CDCA7: variants seen among roughly 807,000 people sequenced by gnomAD.
CDCA7 encodes cell division cycle associated 7, also known as cell division cycle-associated protein 7.
Under a neutral mutation model 54.0 loss-of-function variants are expected in CDCA7, and 28 were observed. The observed-to-expected ratio is 0.52, with a 90% CI of 0.38 to 0.71. CDCA7 has a LOEUF of 0.71. CDCA7 is among the 30% of genes least tolerant of loss of function. The pLI is 0.00. For synonymous variants in CDCA7, 180 were observed against 208.2 expected (o/e 0.86, Z 1.16); for missense variants, 484 against 586.0 (o/e 0.83, Z 1.80).
chr2:173,365,095 A>G (rs1686695828), intron 6 of CDCA7, 106 bp downstream of exon 6: 1 of 1,407,584 alleles, frequency 7.1e-7, no homozygotes, highest in Non-Finnish European at 9.2e-7. Context: ...GGCGATCCAT[A>G]GTAAATGTTT....
chr2:173,364,854 A>G lies in CDCA7; in HGVS notation c.759A>G (p.Glu253=). ...FPGVASRRNP[E]RRARPLTRSR... ...GTGTTGCTTCCAGGAGAAACCCTGAACGGAGAGCTCGTCCTCTTACCAGGT... is the reference window on the plus strand; with the variant it reads ...GTGTTGCTTCCAGGAGAAACCCTGAGCGGAGAGCTCGTCCTCTTACCAGGT... Residue 253 remains glutamate (E), a synonymous_variant, in exon 6 of 10, where the codon GAA becomes GAG. Coordinates refer to ENST00000306721, the MANE Select transcript of CDCA7 (RefSeq NM_031942.5). 1 of 1,611,642 alleles carries G rather than the reference A, an allele frequency of 6.2e-7. No individual in the cohort carries two copies. Among genetic ancestry groups the G allele is most frequent in the African/African-American group, 1.3e-5 (1 of 74,836 alleles).
chr2:173,358,658 T>G (rs1013130291), intron 1 of CDCA7, 54 bp from the exon 2 acceptor site: 25 of 1,578,152 alleles, frequency 1.6e-5, no homozygotes, highest in Middle Eastern at 1.7e-4. Flanking sequence ...AATGATGTCT[T>G]TAGTTAAATA....
chr2:173,367,999 T>C lies in CDCA7; in HGVS notation c.*335T>C. On this transcript the variant is annotated 3_prime_UTR_variant, in exon 10 of 10. Transcript: ENST00000306721. Reference sequence around the variant, plus strand: ...ATATTTTATTTACTTGGTGTTGAAATAGCCCTCATAAAACCTAAGCACTTG... The same window carrying C: ...ATATTTTATTTACTTGGTGTTGAAACAGCCCTCATAAAACCTAAGCACTTG... The C allele has an allele frequency of 2.9e-6, 1 of 341,632 alleles. No individual in the cohort carries two copies. The highest frequency in any genetic ancestry group is 5.4e-6 in the Non-Finnish European group (1 of 185,908). The allele number at this position is 341,632 out of a possible 1,614,324, so 21.2% of individuals were successfully genotyped here.
chr2:173,367,910 T>C lies in CDCA7; in HGVS notation c.*246T>C, dbSNP rs774355971. 10 of 555,030 alleles carry C rather than the reference T, an allele frequency of 1.8e-5. No individual in the cohort carries two copies. Among genetic ancestry groups the C allele is most frequent in the Non-Finnish European group, 3.2e-5 (10 of 313,556 alleles). The allele number at this position is 555,030 out of a possible 1,614,324, so 34.4% of individuals were successfully genotyped here. A position where few individuals can be genotyped will look rare whatever the true frequency, so the allele number is the denominator to read the frequency against. On this transcript the variant is annotated 3_prime_UTR_variant, in exon 10 of 10. Transcript: ENST00000306721. ...CCCATCTCACAGCATCCCCCTCTAT[T>C]TCCAATGCTCCTCTCCAACCGCTTA... is the stretch of plus-strand genomic sequence containing the variant.
Position 173,367,245 on chromosome 2 carries a change from C to A in CDCA7, c.1281C>A (p.Ala427=). ...CGACTGGGGTCCTTGTGTATTTAGC[C>A]AAATATCATGGCTTTGGGAATGTGC... The part of the protein sequence containing the change: ...RCATGVLVYL[A]KYHGFGNVHA... The change falls in exon 9 of 10, where the codon GCC becomes GCA. Residue 427 remains alanine (A), a synonymous_variant. Transcript: ENST00000306721. 6.2e-7 allele frequency: 1 copy of A among 1,613,820 alleles called. No individual in the cohort carries two copies. Among genetic ancestry groups the A allele is most frequent in the Non-Finnish European group, 8.5e-7 (1 of 1,179,924 alleles).
intron 1 of CDCA7, 122 bp downstream of exon 1, chr2:173,355,106 G>A: frequency 8.9e-7 from 1 of 1,125,422 alleles, no homozygotes; most frequent in Non-Finnish European, 1.1e-6. Context: ...CTGCCTAGGC[G>A]TTGCCCGCTT....
intron 3 of CDCA7, among the ~76,000 whole-genome samples, chr2:173,361,964 G>A (rs1346352800): frequency 1.3e-5 from 2 of 152,054 alleles, no homozygotes; most frequent in African/African-American, 2.4e-5. Context: ...TTACAGGCGT[G>A]TGCCACTGTG....
At chr2:173,360,538 G>A (rs13390471) in intron 3 of CDCA7, among the ~76,000 whole-genome samples, 5,262 of 152,244 alleles carry the variant, frequency 0.035, 308 homozygotes, top group African/African-American at 0.12. Flanking sequence ...GAGTGCACTG[G>A]TGTGATCATG....
chr2:173,366,579 G>T lies in CDCA7; in HGVS notation c.1185+147G>T. On this transcript the variant is annotated intron_variant, in intron 8 of 9. Transcript: ENST00000306721. The surrounding 1 kb of genome is among the most constrained non-coding windows in gnomAD (Gnocchi z 4.5). ...TTTTAAGATGGAGTCTCATTCTGTC[G>T]CCAGGCTGCAGTGCAGTGGCGCGAT... The T allele has an allele frequency of 8.9e-7, 1 of 1,123,412 alleles. No individual in the cohort carries two copies. The highest frequency in any genetic ancestry group is 1.2e-6 in the Non-Finnish European group (1 of 812,244). 69.6% of individuals were successfully genotyped at this position (1,123,412 alleles called of 1,614,324 possible). A position where few individuals can be genotyped will look rare whatever the true frequency, so the allele number is the denominator to read the frequency against.
rs1346397278 is a variant in CDCA7, at chr2:173,364,879, T to G, written c.784T>G (p.Ser262Ala). Residue 262 changes from serine to alanine, a missense_variant, in exon 6 of 10, where the codon TCA becomes GCA. Around this residue, in one of 3 missense-constraint regions of CDCA7, gnomAD observed 398 missense variants for 447.4 expected, o/e 0.89. Coordinates refer to ENST00000306721, the MANE Select transcript of CDCA7 (RefSeq NM_031942.5). ...ACGGAGAGCTCGTCCTCTTACCAGG[T>G]CAAGGTCCCGGATCCTCGGGTCCCT... Reference protein sequence around the residue: ...PERRARPLTRSRSRILGSLDA... With the variant: ...PERRARPLTRARSRILGSLDA... The G allele has an allele frequency of 3.7e-6, 6 of 1,610,712 alleles. No homozygotes were observed. Among genetic ancestry groups the G allele is most frequent in the Non-Finnish European group, 5.1e-6 (6 of 1,178,820 alleles).
chr2:173,356,900 G>A (rs1056523043), intron 1 of CDCA7, among the ~76,000 whole-genome samples: 1 of 152,180 alleles, frequency 6.6e-6, no homozygotes, highest in Non-Finnish European at 1.5e-5. Flanking sequence ...ATGATTGAAC[G>A]GAGTTTACTT....
chr2:173,354,979 G>A lies in CDCA7; in HGVS notation c.16G>A (p.Val6Met), dbSNP rs775999064. 6 of 1,441,750 alleles carry A rather than the reference G, an allele frequency of 4.2e-6. 1 individual carries two copies. In the South Asian group the frequency reaches 8.5e-5, roughly 20 times the overall value. The allele number at this position is 1,441,750 out of a possible 1,614,324, so 89.3% of individuals were successfully genotyped here. Residue 6 changes from valine to methionine, a missense_variant, in exon 1 of 10, where the codon GTG becomes ATG. Transcript: ENST00000306721. MDARRVPQKDLRVKKN... is the reference protein window; with the variant it reads MDARRMPQKDLRVKKN... ...CGCCACCAGCATGGACGCTCGCCGC[G>A]TGCCGGTGAGGGCTGGGCGGGCGAA... is the stretch of plus-strand genomic sequence containing the variant.
In CDCA7 at chr2:173,354,938, C is replaced by A; in HGVS notation, c.-26C>A. The A allele has an allele frequency of 6.8e-7, 1 of 1,477,742 alleles. No individual in the cohort carries two copies. The highest frequency in any genetic ancestry group is 8.9e-7 in the Non-Finnish European group (1 of 1,122,090). The allele number at this position is 1,477,742 out of a possible 1,614,324, so 91.5% of individuals were successfully genotyped here. ...GCTGCTCCGCTCTCCCCGCTCCAAG[C>A]GCCGATCTGGGCACCCGCCACCAGC... On this transcript the variant is annotated 5_prime_UTR_variant, in exon 1 of 10. Coordinates refer to ENST00000306721, the MANE Select transcript of CDCA7 (RefSeq NM_031942.5).
chr2:173,366,251 T>G lies in CDCA7; in HGVS notation c.1036-32T>G. 6.8e-7 allele frequency: 1 copy of G among 1,476,690 alleles called. No homozygotes were observed. Among genetic ancestry groups the G allele is most frequent in the South Asian group, 1.2e-5 (1 of 83,148 alleles). The allele number at this position is 1,476,690 out of a possible 1,614,324, so 91.5% of individuals were successfully genotyped here. A position where few individuals can be genotyped will look rare whatever the true frequency, so the allele number is the denominator to read the frequency against. ...TCCTCTGTTGAAAAACAGTGGTTTT[T>G]TTTGTTTTTTTTCTTAATGGCTTAT... On this transcript the variant is annotated intron_variant, in intron 7 of 9. Transcript: ENST00000306721. This position sits in a 1 kb window ranked among gnomAD's most constrained non-coding sequence, Gnocchi z 4.5.
At chr2:173,355,044 C>T (rs1377464880) in intron 1 of CDCA7, 60 bp downstream of exon 1, 10 of 1,292,352 alleles carry the variant, frequency 7.7e-6, no homozygotes, top group African/African-American at 3.1e-5. Flanking sequence ...CGCAGGCGGG[C>T]GCGGGCCGAC....
intron 1 of CDCA7, 110 bp from the exon 2 acceptor site, chr2:173,358,602 T>C (rs1347533512): frequency 8.5e-7 from 1 of 1,179,260 alleles, no homozygotes; most frequent in Non-Finnish European, 1.2e-6. Context: ...GTATGATAAA[T>C]GGACATATCT....
intron 1 of CDCA7, among the ~76,000 whole-genome samples, chr2:173,356,702 A>G (rs1164328672): frequency 6.6e-6 from 1 of 152,112 alleles, no homozygotes; most frequent in African/African-American, 2.4e-5. Context: ...ACGGGGTTTC[A>G]CCATATTCCC....
chr2:173,360,001 G>A (rs956129635), intron 3 of CDCA7, among the ~76,000 whole-genome samples: 3 of 152,132 alleles, frequency 2.0e-5, no homozygotes, highest in Non-Finnish European at 4.4e-5. Context: ...TCCTATGCAC[G>A]CTACCTTCCT....
At chr2:173,363,535 C>G in intron 4 of CDCA7, 73 bp downstream of exon 4, 3 of 1,399,978 alleles carry the variant, frequency 2.1e-6, no homozygotes, top group Non-Finnish European at 3.0e-6. Flanking sequence ...TGTTCCATCA[C>G]GCAAAAGTTA....
Sources: allele counts gnomAD v4.1 joint callset (sites outside exome capture counted in the v4.1 genomes callset), GRCh38; gene constraint gnomAD v4.1.1; regional missense constraint gnomAD v4.1.1; non-coding constraint Gnocchi (gnomAD v3.1); transcripts MANE v1.5; gene names NCBI Gene and HGNC (gene_info 2026-07-23, HGNC 2026-07-21).